FOCAD: variants seen among roughly 807,000 people sequenced by gnomAD.
The protein encoded by FOCAD is focadhesin.
FOCAD carries 198 observed loss-of-function variants against 225.6 expected under a neutral mutation model. The observed-to-expected ratio is 0.88, with a 90% CI of 0.78 to 0.99. The LOEUF (loss-of-function observed/expected upper bound fraction) is 0.99. Ranked by LOEUF, FOCAD falls within the 50% of genes least tolerant of loss-of-function variation. FOCAD has a pLI of 0.00. For synonymous variants in FOCAD, 897 were observed against 755.0 expected (o/e 1.19, Z -3.08); for missense variants, 2,713 against 2,123.6 (o/e 1.28, Z -5.46).
At chr9:20,986,857 A>G (rs1257269323) in intron 40 of FOCAD, among the ~76,000 whole-genome samples, 2 of 152,238 alleles carry the variant, frequency 1.3e-5, no homozygotes, top group Non-Finnish European at 2.9e-5. Context: ...AAACAAAAAA[A>G]TTAACTAGTT....
chr9:20,980,737 TTTA>T (rs1364071153), intron 37 of FOCAD, among the ~76,000 whole-genome samples: 9 of 152,224 alleles, frequency 5.9e-5, no homozygotes, highest in Non-Finnish European at 1.5e-5. Context: ...TTTGCCAGAT[TTTA>T]TTTTTAGATC....
chr9:20,836,851 A>C (rs1408957208), intron 15 of FOCAD, among the ~76,000 whole-genome samples: 1 of 152,072 alleles, frequency 6.6e-6, no homozygotes, highest in Non-Finnish European at 1.5e-5. Flanking sequence ...TTTGTTGCTT[A>C]AAAAGAAAAC....
chr9:20,867,950 A>G (rs1234072274), intron 18 of FOCAD, among the ~76,000 whole-genome samples: 2 of 152,100 alleles, frequency 1.3e-5, no homozygotes, highest in African/African-American at 4.8e-5. Flanking sequence ...TGGAGCCACG[A>G]TATAAAAAGG....
intron 15 of FOCAD, among the ~76,000 whole-genome samples, chr9:20,852,973 GA>G (rs1827817825): frequency 6.6e-6 from 1 of 151,636 alleles, no homozygotes; most frequent in South Asian, 2.1e-4. Flanking sequence ...TATTAGAAAA[GA>G]GGAAGGAGTG....
Position 20,832,918 on chromosome 9 carries a change from C to T in FOCAD, c.1920+9803C>T, listed in dbSNP as rs79366516. Among the ~76,000 whole-genome samples, 660 of 152,184 alleles carry T rather than the reference C, an allele frequency of 4.3e-3. 11 individuals are homozygous for T. The highest frequency in any genetic ancestry group is 0.015 in the African/African-American group (640 of 41,528). ...TAATGCTTTAATAAACATGAGAGTG[C>T]AGATATCTTTGTAAGGCTGTGATAT... On this transcript the variant is annotated intron_variant, in intron 15 of 43. Transcript: ENST00000338382.
At chr9:20,787,729 G>T (rs937769577) in intron 10 of FOCAD, among the ~76,000 whole-genome samples, 1 of 149,872 alleles carries the variant, frequency 6.7e-6, no homozygotes, top group African/African-American at 2.5e-5. Context: ...TGATTTAGTG[G>T]TTACTAATTT....
chr9:20,668,234 A>G (rs1821953013), intron 2 of FOCAD, among the ~76,000 whole-genome samples: 1 of 152,176 alleles, frequency 6.6e-6, no homozygotes, highest in Admixed American at 6.5e-5. Flanking sequence ...TTTAACGTTT[A>G]ATCATAAGGG....
chr9:20,849,855 A>G (rs192849337), intron 15 of FOCAD, among the ~76,000 whole-genome samples: 25 of 151,966 alleles, frequency 1.6e-4, no homozygotes, highest in East Asian at 1.2e-3. Context: ...AAGAAGGCCT[A>G]TCTCTACTTG....
At chr9:20,824,480 C>G (rs1431177062) in intron 15 of FOCAD, among the ~76,000 whole-genome samples, 2 of 151,924 alleles carry the variant, frequency 1.3e-5, no homozygotes, top group Admixed American at 1.3e-4. Flanking sequence ...CTGCCCATCC[C>G]CTCCTGTTAC....
At chr9:20,685,431 G>C (rs1035167582) in intron 1 of FOCAD, among the ~76,000 whole-genome samples, 3 of 152,154 alleles carry the variant, frequency 2.0e-5, no homozygotes, top group Non-Finnish European at 2.9e-5. Flanking sequence ...TGCATTTTAT[G>C]ATTATGTTTT....
chr9:20,987,942 T>C (rs946289450), intron 40 of FOCAD, among the ~76,000 whole-genome samples: 17 of 152,224 alleles, frequency 1.1e-4, no homozygotes, highest in Middle Eastern at 3.2e-3. Flanking sequence ...TTGGCATAAA[T>C]TGGGAACACT....
intron 15 of FOCAD, among the ~76,000 whole-genome samples, chr9:20,852,587 G>A (rs564193287): frequency 2.0e-5 from 3 of 151,910 alleles, no homozygotes; most frequent in Admixed American, 2.0e-4. Context: ...TCTTTGTAAA[G>A]TGGACTAAAC....
intron 18 of FOCAD, among the ~76,000 whole-genome samples, chr9:20,872,023 C>G (rs1300764957): frequency 1.3e-5 from 2 of 151,550 alleles, no homozygotes; most frequent in East Asian, 3.9e-4. Flanking sequence ...GGAGAATCAG[C>G]TCACCTATTA....
chr9:20,802,847 TGTG>T (rs1163278173), intron 11 of FOCAD, among the ~76,000 whole-genome samples: 1 of 152,166 alleles, frequency 6.6e-6, no homozygotes, highest in Non-Finnish European at 1.5e-5. Context: ...GCACAATGAA[TGTG>T]GTGATTTCAA....
intron 16 of FOCAD, 122 bp from the exon 17 acceptor site, chr9:20,865,804 G>A: frequency 3.2e-6 from 2 of 628,124 alleles, no homozygotes; most frequent in East Asian, 2.9e-5. Context: ...TACACATTAA[G>A]TGAATTTCTG....
chr9:20,790,492 C>T (rs1213574560), intron 11 of FOCAD, among the ~76,000 whole-genome samples: 1 of 152,200 alleles, frequency 6.6e-6, no homozygotes, highest in African/African-American at 2.4e-5. Flanking sequence ...ATGAAGTTAA[C>T]TGAGTGCAGT....
At chr9:20,691,963 G>A (rs1318806604) in intron 1 of FOCAD, among the ~76,000 whole-genome samples, 1 of 152,014 alleles carries the variant, frequency 6.6e-6, no homozygotes, top group East Asian at 1.9e-4. Flanking sequence ...TAGTAGAGAC[G>A]TTGGCCAGGC....
chr9:20,903,337 T>C (rs1156581649), intron 21 of FOCAD, among the ~76,000 whole-genome samples: 2 of 151,974 alleles, frequency 1.3e-5, no homozygotes. Flanking sequence ...ATCATTCTAC[T>C]GTGTTACTGA....
chr9:20,821,210 T>A, intron 14 of FOCAD, 139 bp downstream of exon 14: 1 of 677,474 alleles, frequency 1.5e-6, no homozygotes, highest in Non-Finnish European at 2.2e-6. Context: ...AGTTTTCTGA[T>A]TATAAAATGT....
Sources: gnomAD v4.1 joint callset for allele counts (sites outside exome capture counted in the v4.1 genomes callset) on GRCh38, gnomAD v4.1.1 for gene constraint, MANE v1.5 for transcripts, NCBI Gene and HGNC (gene_info 2026-07-23, HGNC 2026-07-21) for gene names.